LTBP4: variants seen among roughly 807,000 people sequenced by gnomAD.
LTBP4 encodes latent transforming growth factor beta binding protein 4, also known as latent-transforming growth factor beta-binding protein 4.
A neutral mutation model predicts 180.2 loss-of-function variants in LTBP4; 93 were observed. That is an observed-to-expected ratio of 0.52 (90% CI 0.44 to 0.61). LTBP4 has a LOEUF of 0.61. Among genes scored for constraint, LTBP4 ranks in the 20% least tolerant of loss-of-function variants. LTBP4 has a pLI of 0.00. For synonymous variants in LTBP4, 947 were observed against 934.5 expected, an observed-to-expected ratio of 1.01 and a Z score of -0.24; for missense variants, 2,116 against 2,256.5, an observed-to-expected ratio of 0.94 and a Z score of 1.26.
chr19:40,598,508 T>C (rs1390219008), upstream of LTBP4: 2 of 152,472 alleles, frequency 1.3e-5, no homozygotes, highest in Non-Finnish European at 2.9e-5. Context: ...GCTCCGCCAC[T>C]GAGACCCTCT....
intron 22 of LTBP4, among the ~76,000 whole-genome samples, chr19:40,619,896 C>T (rs745384941): frequency 1.1e-4 from 16 of 152,150 alleles, no homozygotes; most frequent in Non-Finnish European, 1.5e-4. Context: ...TTGGAGGAGG[C>T]GCCTGGCCCA....
In LTBP4 at chr19:40,610,463, C is replaced by T. The variant is rs2081497439; in HGVS notation, c.1685-69C>T. 1.0e-5 allele frequency: 16 copies of T among 1,526,574 alleles called. No homozygotes were observed. In the Admixed American group the frequency reaches 3.1e-4, roughly 29 times the overall value. The allele number at this position is 1,526,574 out of a possible 1,614,324, so 94.6% of individuals were successfully genotyped here. ...GGTCCCGCTCCCGCTTCCCTCTACC[C>T]CTGCCTCCTTGCGTCGCTTCTCCCG... On this transcript the variant is annotated intron_variant, in intron 11 of 29. Transcript: ENST00000396819.
rs552534342 is a variant in LTBP4 at position 40,608,543 on chromosome 19, G to A, written c.1366G>A (p.Gly456Ser). The change falls in exon 9 of 30, where the codon GGC (glycine) becomes AGC (serine). Residue 456 changes from glycine (G) to serine (S), a missense_variant. Gly to Ser is a moderately conservative substitution (Grantham distance 56). Transcript: ENST00000396819. ...TGAACCCCGGCCCGATCCCCGGCCC[G>A]GCCCTGAGCTTCCCTTGCCCAGCAT... ...RPEPRPDPRPGPELPLPSIPA... is the reference protein window; with the variant it reads ...RPEPRPDPRPSPELPLPSIPA... The A allele has an allele frequency of 5.6e-6, 9 of 1,606,154 alleles. No homozygotes were observed. In the East Asian group the frequency reaches 6.7e-5, roughly 12 times the overall value.
chr19:40,610,819 T>G (rs2081500584), intron 12 of LTBP4, 162 bp downstream of exon 12: 1 of 1,122,612 alleles, frequency 8.9e-7, no homozygotes. Flanking sequence ...GAGAGAGACC[T>G]GGGATGCAGA....
chr19:40,625,923 AC>A lies in LTBP4; in HGVS notation c.3901del (p.Arg1301ValfsTer61). On this transcript the variant is annotated frameshift_variant, in exon 27 of 30. Transcript: ENST00000396819. LOFTEE classifies it high-confidence loss of function. Reference sequence around the variant, plus strand: ...CTCGTGTGCAGCCACCCTCGGCTGGACCGTCAGGCCACCTACACAGAGTGCT... The same window carrying A: ...CTCGTGTGCAGCCACCCTCGGCTGGACGTCAGGCCACCTACACAGAGTGCT... ...ADLVCSHPRLDRQATYTECCC... is the reference protein window; with the variant it reads ...ADLVCSHPRLXRQATYTECCC... The A allele has an allele frequency of 6.2e-7, 1 of 1,604,602 alleles. No individual in the cohort carries two copies.
upstream of LTBP4, chr19:40,599,187 C>T: frequency 6.2e-7 from 1 of 1,602,828 alleles, no homozygotes; most frequent in South Asian, 1.1e-5. Context: ...TTCCACTCCA[C>T]TATTTATAGC....
At chr19:40,610,116 C>G in intron 11 of LTBP4, 1 of 547,668 alleles carries the variant, frequency 1.8e-6, no homozygotes, top group Non-Finnish European at 3.1e-6. Flanking sequence ...ACTCGTATTG[C>G]TCCGCCCCCA....
rs2146052803 is a variant in LTBP4 at position 40,627,261 on chromosome 19, A to C, written c.4272A>C (p.Pro1424=). 6.4e-7 allele frequency: 1 copy of C among 1,571,512 alleles called. No individual in the cohort carries two copies. Residue 1424 remains proline, a synonymous_variant, in exon 28 of 30, where the codon CCA becomes CCC. Transcript: ENST00000396819. ...ATGGCGAATCTGAGGCTCCTGCGCCACCTGGCCCGGGCACCCGCTGGCCCT... is the reference window on the plus strand; with the variant it reads ...ATGGCGAATCTGAGGCTCCTGCGCCCCCTGGCCCGGGCACCCGCTGGCCCT... The part of the protein sequence containing the change: ...GPYGESEAPA[P]PGPGTRWPYR...
chr19:40,627,189 G>A lies in LTBP4; in HGVS notation c.4200G>A (p.Gly1400=). Residue 1400 remains glycine, a synonymous_variant, in exon 28 of 30, where the codon GGG becomes GGA. Coordinates refer to ENST00000396819, the MANE Select transcript of LTBP4 (RefSeq NM_001042545.2). ...TCGCCCGCCGGGAGGCTCCTTATGG[G>A]GCACCCCGCTTCGACATGCCAGACT... ...GPFARREAPY[G]APRFDMPDFE... The A allele has an allele frequency of 6.2e-7, 1 of 1,612,648 alleles. No homozygotes were observed. Among genetic ancestry groups the A allele is most frequent in the Middle Eastern group, 1.6e-4 (1 of 6,062 alleles).
rs763669533 is a variant in LTBP4, at chr19:40,613,881, A to AG, written c.2558-33dup. On this transcript the variant is annotated intron_variant, in intron 17 of 29. Transcript: ENST00000396819. This position sits in a 1 kb window ranked among gnomAD's most constrained non-coding sequence, Gnocchi z 5.0. Reference sequence around the variant, plus strand: ...GGCCTAGAATGTTAGGCGGAGCGGGAGGTGGGCCGGGCCTTCGGACGCCCT... The same window carrying AG: ...GGCCTAGAATGTTAGGCGGAGCGGGAGGGTGGGCCGGGCCTTCGGACGCCCT... 1.2e-6 allele frequency: 2 copies of AG among 1,612,596 alleles called. No homozygotes were observed. Among genetic ancestry groups the AG allele is most frequent in the South Asian group, 2.2e-5 (2 of 90,998 alleles).
At chr19:40,599,198 G>C (rs1245008042), upstream of LTBP4, 1 of 1,607,804 alleles carries the variant, frequency 6.2e-7, no homozygotes, top group Non-Finnish European at 8.5e-7. Flanking sequence ...TATTTATAGC[G>C]TTGCTGTTTG....
intron 15 of LTBP4, 59 bp downstream of exon 15, chr19:40,612,251 C>G (rs1269039485): frequency 1.3e-6 from 2 of 1,520,656 alleles, no homozygotes; most frequent in Non-Finnish European, 1.8e-6. Flanking sequence ...ACCCTTGACC[C>G]AGATCACAAC....
intron 1 of LTBP4, among the ~76,000 whole-genome samples, chr19:40,595,899 T>C (rs939066072): frequency 7.4e-6 from 1 of 134,690 alleles, no homozygotes; most frequent in African/African-American, 2.9e-5. Flanking sequence ...CCCGGCTAAT[T>C]TTTGGATTTT....
rs1208367661 is a variant in LTBP4, at chr19:40,611,923, C to T, written c.2118C>T (p.Gly706=). ...CTYGRCENTE[G]SFQCVCPMGF... is the part of the protein sequence containing the mutation. The stretch of plus-strand genomic sequence containing the variant: ...ACGGCCGGTGTGAGAACACAGAAGG[C>T]AGCTTCCAGTGTGTCTGCCCCATGG... Residue 706 remains glycine (G), a synonymous_variant, in exon 14 of 30, where the codon GGC becomes GGT. Transcript: ENST00000396819. The surrounding 1 kb of genome is among the most constrained non-coding windows in gnomAD (Gnocchi z 4.4). 4 of 1,610,912 alleles carry T rather than the reference C, an allele frequency of 2.5e-6. No individual in the cohort carries two copies. The South Asian group carries it at 3.3e-5, about 13-fold the overall frequency.
chr19:40,606,510 C>A lies in LTBP4; in HGVS notation c.975C>A (p.Ser325=), dbSNP rs1363859517. Residue 325 remains serine (S), a synonymous_variant, in exon 6 of 30, where the codon TCC becomes TCA. Coordinates refer to ENST00000396819, the MANE Select transcript of LTBP4 (RefSeq NM_001042545.2). ...VCPDGFLLDS[S]RSSCISQHVI... ...CCGACGGCTTTCTGCTCGACTCGTC[C>A]CGCAGCAGCTGCATCTGTGAGCAAC... is the stretch of plus-strand genomic sequence containing the variant. The A allele has an allele frequency of 1.3e-6, 2 of 1,568,698 alleles. No individual in the cohort carries two copies. Among genetic ancestry groups the A allele is most frequent in the South Asian group, 1.2e-5 (1 of 85,308 alleles).
chr19:40,613,696 C>A lies in LTBP4; in HGVS notation c.2557+167C>A. On this transcript the variant is annotated intron_variant, in intron 17 of 29. Transcript: ENST00000396819. The surrounding 1 kb of genome is among the most constrained non-coding windows in gnomAD (Gnocchi z 5.0). ...CTCGAGGCAGTGAGGGGGGGCGGGG[C>A]GTGGAGATGAAAGGGCCGAGTCTGG... 2 of 1,255,860 alleles carry A rather than the reference C, an allele frequency of 1.6e-6. No homozygotes were observed. Among genetic ancestry groups the A allele is most frequent in the Admixed American group, 2.0e-5 (1 of 49,830 alleles). The allele number at this position is 1,255,860 out of a possible 1,614,324, so 77.8% of individuals were successfully genotyped here. A position where few individuals can be genotyped will look rare whatever the true frequency, so the allele number is the denominator to read the frequency against.
At chr19:40,601,101 C>A (rs1293558977), upstream of LTBP4, among the ~76,000 whole-genome samples, 3 of 152,010 alleles carry the variant, frequency 2.0e-5, no homozygotes, top group Non-Finnish European at 4.4e-5. Flanking sequence ...CCGCCCCCAC[C>A]TGTTCCCTTC....
At chr19:40,595,956 T>C (rs2081387974) in intron 1 of LTBP4, among the ~76,000 whole-genome samples, 1 of 131,172 alleles carries the variant, frequency 7.6e-6, no homozygotes, top group Admixed American at 8.3e-5. Flanking sequence ...AGTCTTGCTC[T>C]GTCGCCCAGG....
Position 40,611,041 on chromosome 19 carries a change from G to A in LTBP4, c.1811-111G>A. 7.0e-7 allele frequency: 1 copy of A among 1,424,664 alleles called. No individual in the cohort carries two copies. The allele number at this position is 1,424,664 out of a possible 1,614,324, so 88.3% of individuals were successfully genotyped here. ...CAGAGTCAGATGATGGTGACAAGGA[G>A]GAATAGAGATGGGGTCACGGGGACA... On this transcript the variant is annotated intron_variant, in intron 12 of 29. Coordinates refer to ENST00000396819, the MANE Select transcript of LTBP4 (RefSeq NM_001042545.2). This position sits in a 1 kb window ranked among gnomAD's most constrained non-coding sequence, Gnocchi z 4.4.
Sources: allele counts gnomAD v4.1 joint callset (sites outside exome capture counted in the v4.1 genomes callset), GRCh38; gene constraint gnomAD v4.1.1; non-coding constraint Gnocchi (gnomAD v3.1); transcripts MANE v1.5; gene names NCBI Gene and HGNC (gene_info 2026-07-23, HGNC 2026-07-21).